Variants in CEP70 observed in about 807,000 individuals in gnomAD.
CEP70 encodes the protein centrosomal protein 70, also known as centrosomal protein of 70 kDa.
A neutral mutation model predicts 90.9 loss-of-function variants in CEP70; 70 were observed. That is an observed-to-expected ratio of 0.77 (90% CI 0.64 to 0.94). The LOEUF (loss-of-function observed/expected upper bound fraction) is 0.94. Among genes scored for constraint, CEP70 ranks in the 40% least tolerant of loss-of-function variants. CEP70 has a pLI of 0.00. For missense variants in CEP70, 648 were observed against 669.0 expected (o/e 0.97, Z 0.35); for synonymous variants, 220 against 228.3 (o/e 0.96, Z 0.33).
At chr3:138,528,812 G>A (rs2037534727) in intron 10 of CEP70, among the ~76,000 whole-genome samples, 1 of 152,076 alleles carries the variant, frequency 6.6e-6, no homozygotes, top group Admixed American at 6.6e-5. Context: ...GACAAACATG[G>A]CAAAACCTCA....
chr3:138,559,726 A>C (rs1170595276), intron 6 of CEP70, among the ~76,000 whole-genome samples: 2 of 152,214 alleles, frequency 1.3e-5, no homozygotes, highest in Admixed American at 6.5e-5. Context: ...CTCTATACCA[A>C]AAACAAAAAA....
chr3:138,545,138 A>C (rs1348621065), intron 6 of CEP70, among the ~76,000 whole-genome samples: 3 of 152,214 alleles, frequency 2.0e-5, no homozygotes, highest in Non-Finnish European at 4.4e-5. Flanking sequence ...ATAATTACAC[A>C]TTATATGAAT....
intron 11 of CEP70, among the ~76,000 whole-genome samples, chr3:138,516,768 G>A (rs1389240829): frequency 3.3e-5 from 5 of 152,064 alleles, no homozygotes; most frequent in Non-Finnish European, 7.3e-5. Flanking sequence ...ATAGGAAGGA[G>A]GAAACAGAGC....
rs2038359956 is a variant in CEP70 at position 138,537,295 on chromosome 3, G to A, written c.518C>T (p.Ala173Val). 1 of 1,606,912 alleles carries A rather than the reference G, an allele frequency of 6.2e-7. No individual in the cohort carries two copies. The highest frequency in any genetic ancestry group is 8.5e-7 in the Non-Finnish European group (1 of 1,177,076). ...TCTACAGACTTCCATTTGCAAAGAA[G>A]CAATAGTTTCTTCTTGCTCCGTTCG... ...KKRTEQEETI[A>V]SLQMEVCRLK... The change falls in exon 7 of 18, where the codon GCT becomes GTT. Residue 173 changes from alanine (A) to valine (V), a missense_variant. Transcript: ENST00000264982.
chr3:138,567,826 A>G (rs2040891419), intron 6 of CEP70, among the ~76,000 whole-genome samples: 1 of 152,322 alleles, frequency 6.6e-6, no homozygotes, highest in South Asian at 2.1e-4. Flanking sequence ...ACATATTCAT[A>G]AACTTGTTTG....
At chr3:138,497,692 G>A (rs2034074033) in intron 17 of CEP70, 2 of 984,196 alleles carry the variant, frequency 2.0e-6, no homozygotes, top group African/African-American at 3.5e-5. Flanking sequence ...GAAAAAAAAA[G>A]GAGGGAGGAA....
At chr3:138,564,489 C>G (rs144218897) in intron 6 of CEP70, among the ~76,000 whole-genome samples, 1 of 152,108 alleles carries the variant, frequency 6.6e-6, no homozygotes, top group Non-Finnish European at 1.5e-5. Flanking sequence ...CATCAAAAAC[C>G]GTATCCACCA....
chr3:138,563,385 A>T (rs1358907431), intron 6 of CEP70, among the ~76,000 whole-genome samples: 1 of 152,226 alleles, frequency 6.6e-6, no homozygotes, highest in Non-Finnish European at 1.5e-5. Flanking sequence ...ACCCCAAATC[A>T]ACAGAATATA....
In CEP70 at chr3:138,529,155, A is replaced by G; in HGVS notation, c.869+44T>C. Reference sequence around the variant, plus strand: ...CACTTGGCCTGAGTGACAGAGTGAGACCCTGTCTCAGGAAAAAAAAAAAAA... The same window carrying G: ...CACTTGGCCTGAGTGACAGAGTGAGGCCCTGTCTCAGGAAAAAAAAAAAAA... On this transcript the variant is annotated intron_variant, in intron 10 of 17. Transcript: ENST00000264982. 2.5e-6 allele frequency: 3 copies of G among 1,214,864 alleles called. No homozygotes were observed. In the African/African-American group the frequency reaches 4.7e-5, roughly 19 times the overall value. The allele number at this position is 1,214,864 out of a possible 1,614,324, so 75.3% of individuals were successfully genotyped here. A position where few individuals can be genotyped will look rare whatever the true frequency, so the allele number is the denominator to read the frequency against.
chr3:138,544,541 G>A (rs868164585), intron 6 of CEP70, among the ~76,000 whole-genome samples: 11 of 110,144 alleles, frequency 1.0e-4, no homozygotes, highest in Admixed American at 3.5e-4. Flanking sequence ...GTATGTATGT[G>A]TGTGTGTGTG....
chr3:138,580,334 T>C (rs1200524224), intron 2 of CEP70, among the ~76,000 whole-genome samples: 1 of 152,148 alleles, frequency 6.6e-6, no homozygotes, highest in African/African-American at 2.4e-5. Flanking sequence ...AGACTCCATT[T>C]GTTTCAGAGA....
intron 13 of CEP70, among the ~76,000 whole-genome samples, chr3:138,501,152 ATC>A (rs2034479344): frequency 6.6e-6 from 1 of 152,070 alleles, no homozygotes; most frequent in Non-Finnish European, 1.5e-5. Context: ...ATTATTCTGA[ATC>A]TGAGTGCTCT....
chr3:138,530,969 A>T, intron 8 of CEP70: 1 of 312,624 alleles, frequency 3.2e-6, no homozygotes, highest in Non-Finnish European at 4.6e-6. Context: ...TTATTGCTGC[A>T]AATTTTCTCA....
At chr3:138,503,688 A>G (rs1490460739) in intron 13 of CEP70, among the ~76,000 whole-genome samples, 1 of 152,158 alleles carries the variant, frequency 6.6e-6, no homozygotes, top group African/African-American at 2.4e-5. Context: ...TTCTAATTAT[A>G]AAGCGAATTC....
chr3:138,506,514 C>T (rs1037834612), intron 12 of CEP70, among the ~76,000 whole-genome samples: 2 of 152,098 alleles, frequency 1.3e-5, no homozygotes, highest in Admixed American at 1.3e-4. Flanking sequence ...AAGAATAAAG[C>T]CATTTCCTAT....
At chr3:138,592,595 T>C (rs1202512420) in intron 1 of CEP70, among the ~76,000 whole-genome samples, 2 of 152,196 alleles carry the variant, frequency 1.3e-5, no homozygotes, top group East Asian at 3.8e-4. Context: ...AGTTGATTTG[T>C]ACATGGCATA....
At chr3:138,517,746 C>A (rs1208365060) in intron 11 of CEP70, among the ~76,000 whole-genome samples, 2 of 152,188 alleles carry the variant, frequency 1.3e-5, no homozygotes, top group South Asian at 4.1e-4. Flanking sequence ...TCTACAACTC[C>A]CTGCATGAGC....
chr3:138,583,284 C>A (rs2041957698), intron 2 of CEP70, among the ~76,000 whole-genome samples: 1 of 152,050 alleles, frequency 6.6e-6, no homozygotes, highest in South Asian at 2.1e-4. Flanking sequence ...ATATTATACA[C>A]CCAACATTGG....
intron 2 of CEP70, among the ~76,000 whole-genome samples, chr3:138,577,572 C>T (rs1388228879): frequency 5.3e-5 from 8 of 152,070 alleles, no homozygotes; most frequent in African/African-American, 1.9e-4. Flanking sequence ...CACTTGAACC[C>T]AGGAGATGGA....
Sources: allele counts gnomAD v4.1 joint callset (sites outside exome capture counted in the v4.1 genomes callset), GRCh38; gene constraint gnomAD v4.1.1; transcripts MANE v1.5; gene names NCBI Gene and HGNC (gene_info 2026-07-23, HGNC 2026-07-21).